Variants in ACTR3C observed in about 807,000 individuals in gnomAD.
The protein encoded by ACTR3C is actin related protein 3C.
Under a neutral mutation model 26.3 loss-of-function variants are expected in ACTR3C, and 18 were observed. That is an observed-to-expected ratio of 0.68 (90% confidence interval 0.47 to 1.01). The LOEUF (loss-of-function observed/expected upper bound fraction) is 1.01, where lower values mean the gene tolerates loss of function less well. Ranked by LOEUF, ACTR3C falls within the 50% of genes least tolerant of loss-of-function variation. The probability of loss-of-function intolerance (pLI) is 0.00; values close to 1 mark genes in which losing one functional copy is unlikely to be tolerated. For synonymous variants in ACTR3C, 55 were observed against 94.5 expected (o/e 0.58, Z 2.42); for missense variants, 184 against 250.7 (o/e 0.73, Z 1.80).
intron 6 of ACTR3C, among the ~76,000 whole-genome samples, chr7:150,272,265 G>A (rs1359525723): frequency 2.2e-5 from 3 of 139,180 alleles, no homozygotes; most frequent in Admixed American, 1.4e-4. Flanking sequence ...ACAAGGAGAC[G>A]TCCCCCGAGC....
At chr7:150,307,631 C>T (rs1238804659) in intron 1 of ACTR3C, among the ~76,000 whole-genome samples, 1 of 152,184 alleles carries the variant, frequency 6.6e-6, no homozygotes, top group Non-Finnish European at 1.5e-5. Flanking sequence ...TCCGCCTGCA[C>T]CCAGGTGATT....
chr7:150,065,372 T>C, the ACTR3C span, among the ~76,000 whole-genome samples: 1 of 152,244 alleles, frequency 6.6e-6, no homozygotes, highest in Admixed American at 6.5e-5. Flanking sequence ...AATTATAGAG[T>C]GTAACTTATT....
the ACTR3C span, among the ~76,000 whole-genome samples, chr7:150,105,925 C>A: frequency 1.4e-4 from 22 of 152,106 alleles, 1 homozygote; most frequent in Admixed American, 1.4e-3. Flanking sequence ...TACCTTAAGT[C>A]AATATTAATT....
At chr7:149,936,762 C>T in the ACTR3C span, among the ~76,000 whole-genome samples, 5 of 152,150 alleles carry the variant, frequency 3.3e-5, no homozygotes, top group African/African-American at 1.2e-4. Flanking sequence ...GCCAATTAAC[C>T]GCTCTATGTC....
At chr7:150,213,653 A>G in the ACTR3C span, among the ~76,000 whole-genome samples, 2 of 152,146 alleles carry the variant, frequency 1.3e-5, no homozygotes, top group Non-Finnish European at 1.5e-5. Flanking sequence ...CTATGGATCT[A>G]AACCAAAAGG....
the ACTR3C span, among the ~76,000 whole-genome samples, chr7:150,127,444 A>AT: frequency 6.6e-6 from 1 of 152,178 alleles, no homozygotes; most frequent in Middle Eastern, 3.4e-3. Flanking sequence ...GAATTGCTTG[A>AT]TTCAGGTCGG....
At chr7:150,305,286 A>C (rs2129614672) in intron 1 of ACTR3C, among the ~76,000 whole-genome samples, 1 of 152,186 alleles carries the variant, frequency 6.6e-6, no homozygotes, top group South Asian at 2.1e-4. Context: ...AATTTTAAGA[A>C]CCTCGCAAAT....
chr7:150,111,858 T>C, the ACTR3C span, among the ~76,000 whole-genome samples: 2 of 148,552 alleles, frequency 1.3e-5, no homozygotes, highest in Non-Finnish European at 3.0e-5. Context: ...AATCCCCGTG[T>C]AATGACCTGC....
At chr7:150,162,065 C>A in the ACTR3C span, among the ~76,000 whole-genome samples, 1 of 152,182 alleles carries the variant, frequency 6.6e-6, no homozygotes, top group East Asian at 1.9e-4. Flanking sequence ...AAATTTGAAA[C>A]ATTAATTTTT....
At chr7:150,234,630 G>T in the ACTR3C span, among the ~76,000 whole-genome samples, 1 of 152,106 alleles carries the variant, frequency 6.6e-6, no homozygotes, top group South Asian at 2.1e-4. Flanking sequence ...GTTTCTAGTG[G>T]TTTCTGCACC....
chr7:150,244,147 AAT>A (rs1308228016), downstream of ACTR3C: 3 of 104,784 alleles, frequency 2.9e-5, no homozygotes, highest in African/African-American at 1.4e-4. Flanking sequence ...TTGAATATTC[AAT>A]ATAGTCTTAG....
chr7:150,316,527 C>T (rs1474101873), intron 1 of ACTR3C, among the ~76,000 whole-genome samples: 1 of 140,902 alleles, frequency 7.1e-6, no homozygotes, highest in East Asian at 2.2e-4. Context: ...CTCACTGTTG[C>T]CAGGCGGGAG....
the ACTR3C span, among the ~76,000 whole-genome samples, chr7:149,942,038 G>C: frequency 6.6e-6 from 1 of 152,334 alleles, no homozygotes; most frequent in South Asian, 2.1e-4. Context: ...TGGCTCTGCA[G>C]AGGGCCTGAG....
chr7:150,094,443 C>T, the ACTR3C span, among the ~76,000 whole-genome samples: 2 of 150,130 alleles, frequency 1.3e-5, no homozygotes, highest in Non-Finnish European at 2.9e-5. Flanking sequence ...GTGATGTGAG[C>T]CCACTGTTGG....
the ACTR3C span, among the ~76,000 whole-genome samples, chr7:150,234,911 T>C: frequency 2.5e-4 from 38 of 152,348 alleles, no homozygotes; most frequent in Non-Finnish European, 4.4e-4. Context: ...TCTTCTATCA[T>C]GCTATAAGCA....
the ACTR3C span, among the ~76,000 whole-genome samples, chr7:150,020,796 AC>A: frequency 6.6e-6 from 1 of 151,962 alleles, no homozygotes; most frequent in East Asian, 1.9e-4. Context: ...TTTATATGGA[AC>A]TATTTCTGGT....
At chr7:150,253,111 G>C (rs1459309335) in intron 6 of ACTR3C, among the ~76,000 whole-genome samples, 3 of 152,146 alleles carry the variant, frequency 2.0e-5, no homozygotes, top group Non-Finnish European at 2.9e-5. Context: ...AGCAGAGGGT[G>C]GTGGATGTGC....
the ACTR3C span, among the ~76,000 whole-genome samples, chr7:149,977,843 A>G: frequency 3.4e-4 from 51 of 152,222 alleles, 1 homozygote; most frequent in South Asian, 1.0e-2. Flanking sequence ...ACCTGAGATG[A>G]TGTAAAACTG....
At chr7:150,048,549 C>A in the ACTR3C span, among the ~76,000 whole-genome samples, 2,316 of 150,030 alleles carry the variant, frequency 0.015, 1 homozygote, top group South Asian at 0.028. Context: ...GCTGCGCGTG[C>A]CCCGCAGCAC....
Sources: gnomAD v4.1 joint callset for allele counts (sites outside exome capture counted in the v4.1 genomes callset) on GRCh38, gnomAD v4.1.1 for gene constraint, MANE v1.5 for transcripts, NCBI Gene and HGNC (gene_info 2026-07-23, HGNC 2026-07-21) for gene names.